The following DNM3 variants were observed in gnomAD, a reference collection of about 807,000 sequenced individuals.
DNM3 encodes dynamin-3.
Under a neutral mutation model 101.6 loss-of-function variants are expected in DNM3, and 47 were observed. That is an observed-to-expected ratio of 0.46 (90% CI 0.37 to 0.59). DNM3 has a LOEUF of 0.59. DNM3 is among the 20% of genes least tolerant of loss of function. The pLI is 0.00. For synonymous variants in DNM3, 385 were observed against 387.9 expected (o/e 0.99, Z 0.09); for missense variants, 849 against 1,085.7 (o/e 0.78, Z 3.06).
chr1:171,942,919 C>T (rs567398376), intron 2 of DNM3, among the ~76,000 whole-genome samples: 1 of 152,056 alleles, frequency 6.6e-6, no homozygotes, highest in South Asian at 2.1e-4. Flanking sequence ...TTGAGACTAG[C>T]CTGGGCAACA....
chr1:172,270,754 C>T (rs141453934), intron 15 of DNM3, among the ~76,000 whole-genome samples: 13 of 152,088 alleles, frequency 8.5e-5, no homozygotes, highest in African/African-American at 1.9e-4. Flanking sequence ...CTAACTGTAG[C>T]GAGTTTTTCT....
intron 14 of DNM3, among the ~76,000 whole-genome samples, chr1:172,250,706 G>A (rs183961241): frequency 1.1e-3 from 172 of 152,194 alleles, no homozygotes; most frequent in African/African-American, 4.0e-3. Flanking sequence ...AAAAGACGAT[G>A]GGTCAGAAAT....
At chr1:171,910,283 G>T (rs2039189013) in intron 1 of DNM3, among the ~76,000 whole-genome samples, 2 of 152,196 alleles carry the variant, frequency 1.3e-5, no homozygotes, top group African/African-American at 4.8e-5. Context: ...GGTCTGAAAA[G>T]ACTCAATGGA....
At chr1:172,066,063 A>G (rs1356471927) in intron 10 of DNM3, among the ~76,000 whole-genome samples, 1 of 152,286 alleles carries the variant, frequency 6.6e-6, no homozygotes, top group East Asian at 1.9e-4. Flanking sequence ...CAGAAGCCCC[A>G]TTTCAGGGAG....
chr1:172,069,817 G>A (rs142476855), intron 11 of DNM3, among the ~76,000 whole-genome samples: 2 of 152,264 alleles, frequency 1.3e-5, no homozygotes, highest in African/African-American at 2.4e-5. Flanking sequence ...TATGCTCTCT[G>A]AAAGCCTGTG....
At chr1:171,851,598 G>C (rs1392813560) in intron 1 of DNM3, among the ~76,000 whole-genome samples, 1 of 152,180 alleles carries the variant, frequency 6.6e-6, no homozygotes, top group Non-Finnish European at 1.5e-5. Context: ...ATTTTTAGTA[G>C]AGACGGGGTT....
chr1:172,401,251 G>A (rs1014000467), intron 20 of DNM3, among the ~76,000 whole-genome samples: 1 of 152,164 alleles, frequency 6.6e-6, no homozygotes, highest in African/African-American at 2.4e-5. Context: ...TTGCCTGAGT[G>A]AATGTTGTAA....
intron 14 of DNM3, among the ~76,000 whole-genome samples, chr1:172,198,669 A>G (rs932125606): frequency 2.0e-5 from 3 of 151,894 alleles, no homozygotes; most frequent in Non-Finnish European, 4.4e-5. Flanking sequence ...GAATTTATCT[A>G]TTTCCTCTAG....
At chr1:172,198,659 G>A (rs1301449362) in intron 14 of DNM3, among the ~76,000 whole-genome samples, 1 of 152,052 alleles carries the variant, frequency 6.6e-6, no homozygotes, top group Non-Finnish European at 1.5e-5. Flanking sequence ...ATGTGTCCAG[G>A]AATTTATCTA....
intron 4 of DNM3, among the ~76,000 whole-genome samples, chr1:172,021,788 GA>G (rs1167700301): frequency 6.6e-6 from 1 of 152,174 alleles, no homozygotes; most frequent in Non-Finnish European, 1.5e-5. Context: ...GTTCTTTCCT[GA>G]AGAGACACAT....
At chr1:171,979,309 T>TA (rs1010399463) in intron 2 of DNM3, among the ~76,000 whole-genome samples, 2 of 152,158 alleles carry the variant, frequency 1.3e-5, no homozygotes, top group Non-Finnish European at 1.5e-5. Flanking sequence ...TTATCTTTTA[T>TA]AAAAAAATTT....
At position 171,841,626 on chromosome 1, in the gene DNM3, GGACCAGC is replaced by G. The variant is rs1558149710; in HGVS notation, c.-30_-24del. ...CCTGTCAGGTCGTAGAGGCGAGCAG[GGACCAGC>G]TGGTCGCCGGCCCCTCGGGCAAGAT... On this transcript the variant is annotated 5_prime_UTR_variant, in exon 1 of 21. Transcript: ENST00000627582. 1.3e-6 allele frequency: 2 copies of G among 1,596,096 alleles called. No individual in the cohort carries two copies. Among genetic ancestry groups the G allele is most frequent in the Non-Finnish European group, 1.7e-6 (2 of 1,172,736 alleles).
chr1:172,338,243 A>G (rs1053971383), intron 17 of DNM3, among the ~76,000 whole-genome samples: 1 of 152,148 alleles, frequency 6.6e-6, no homozygotes, highest in Non-Finnish European at 1.5e-5. Context: ...ACAAACTGCC[A>G]GAGTAATTTT....
chr1:172,055,379 C>T (rs928372875), intron 10 of DNM3, among the ~76,000 whole-genome samples: 11 of 152,122 alleles, frequency 7.2e-5, no homozygotes, highest in African/African-American at 1.9e-4. Context: ...AGTCTTTCTC[C>T]GACTTTTCTA....
intron 1 of DNM3, among the ~76,000 whole-genome samples, chr1:171,876,024 T>C (rs1451744538): frequency 6.6e-6 from 1 of 152,088 alleles, no homozygotes; most frequent in East Asian, 1.9e-4. Context: ...TTGTCCAGGA[T>C]GGTCTCGATC....
chr1:172,069,822 C>G (rs1572368292), intron 11 of DNM3, among the ~76,000 whole-genome samples: 1 of 152,004 alleles, frequency 6.6e-6, no homozygotes, highest in Non-Finnish European at 1.5e-5. Flanking sequence ...TCTCTGAAAG[C>G]CTGTGTAAGT....
At chr1:172,391,813 G>A (rs986489395) in intron 20 of DNM3, among the ~76,000 whole-genome samples, 2 of 151,990 alleles carry the variant, frequency 1.3e-5, no homozygotes, top group South Asian at 2.1e-4. Flanking sequence ...AAGGTGTCCC[G>A]CCAGCTCCCT....
intron 18 of DNM3, among the ~76,000 whole-genome samples, chr1:172,379,993 T>G (rs2068810473): frequency 1.3e-5 from 2 of 152,040 alleles, no homozygotes; most frequent in Admixed American, 6.6e-5. Context: ...CCTAGTTATC[T>G]TCTAAGGACA....
intron 4 of DNM3, among the ~76,000 whole-genome samples, chr1:172,030,219 A>C (rs1171607681): frequency 2.0e-5 from 3 of 152,190 alleles, no homozygotes; most frequent in Non-Finnish European, 4.4e-5. Flanking sequence ...ATATAGACCA[A>C]TGAAACAGAA....
Sources: gnomAD v4.1 joint callset for allele counts (sites outside exome capture counted in the v4.1 genomes callset) on GRCh38, gnomAD v4.1.1 for gene constraint, MANE v1.5 for transcripts, NCBI Gene and HGNC (gene_info 2026-07-23, HGNC 2026-07-21) for gene names.